PTPRN2: variants seen among roughly 807,000 people sequenced by gnomAD.
The protein encoded by PTPRN2 is protein tyrosine phosphatase receptor type N2.
A neutral mutation model predicts 118.8 loss-of-function variants in PTPRN2; 74 were observed. That is an observed-to-expected ratio of 0.62 (90% confidence interval 0.52 to 0.76). PTPRN2 has a LOEUF of 0.76. PTPRN2 is among the 30% of genes least tolerant of loss of function. The pLI, the probability that PTPRN2 is intolerant of heterozygous loss-of-function variation, is 0.00. For synonymous variants in PTPRN2, 641 were observed against 608.0 expected (o/e 1.05, Z -0.80); for missense variants, 1,481 against 1,394.4 (o/e 1.06, Z -0.99).
At chr7:158,558,029 G>C (rs1006913422) in intron 1 of PTPRN2, among the ~76,000 whole-genome samples, 1 of 152,204 alleles carries the variant, frequency 6.6e-6, no homozygotes, top group Non-Finnish European at 1.5e-5. Context: ...CTGTTGCCCA[G>C]GCTGGAGTGC....
At position 157,679,820 on chromosome 7, in the gene PTPRN2, G is replaced by A. The variant is rs79211396; in HGVS notation, c.2001+2905C>T. On this transcript the variant is annotated intron_variant, in intron 13 of 22. Coordinates refer to ENST00000389418, the MANE Select transcript of PTPRN2 (RefSeq NM_002847.5). ...AACATGAGGGCCCCCCAGGTCACGCGGGAAGTGCCTTGCCAGGACACTAAC... is the reference window on the plus strand; with the variant it reads ...AACATGAGGGCCCCCCAGGTCACGCAGGAAGTGCCTTGCCAGGACACTAAC... Among the ~76,000 whole-genome samples, 929 of 152,220 alleles carry A rather than the reference G, an allele frequency of 6.1e-3. 43 individuals carry two copies. The South Asian group carries it at 0.11, about 19-fold the overall frequency.
At chr7:158,408,748 G>A (rs143301366) in intron 2 of PTPRN2, among the ~76,000 whole-genome samples, 14 of 152,258 alleles carry the variant, frequency 9.2e-5, no homozygotes, top group Admixed American at 8.5e-4. Context: ...TAAGCCAGTG[G>A]GGTAGGAAGG....
intron 5 of PTPRN2, among the ~76,000 whole-genome samples, chr7:158,187,848 G>A (rs1181017732): frequency 6.6e-6 from 1 of 152,186 alleles, no homozygotes; most frequent in East Asian, 1.9e-4. Context: ...TAGAGACCAG[G>A]ACTGTGAGGC....
At chr7:157,581,518 T>C (rs926201221) in intron 17 of PTPRN2, among the ~76,000 whole-genome samples, 3 of 152,218 alleles carry the variant, frequency 2.0e-5, no homozygotes, top group Non-Finnish European at 4.4e-5. Context: ...TCTGTGAACC[T>C]GAGCCATCTC....
chr7:157,662,491 C>T (rs868354929), intron 13 of PTPRN2, among the ~76,000 whole-genome samples: 2 of 152,146 alleles, frequency 1.3e-5, no homozygotes, highest in Non-Finnish European at 2.9e-5. Flanking sequence ...AGCAACAGCA[C>T]GTGTTGGGCG....
intron 1 of PTPRN2, among the ~76,000 whole-genome samples, chr7:158,550,908 C>T (rs1826612740): frequency 6.6e-6 from 1 of 152,194 alleles, no homozygotes; most frequent in Non-Finnish European, 1.5e-5. Flanking sequence ...TTTCCTTCAC[C>T]CCTCCACGGA....
intron 11 of PTPRN2, among the ~76,000 whole-genome samples, chr7:158,026,371 G>C (rs1456194694): frequency 6.6e-6 from 1 of 152,192 alleles, no homozygotes; most frequent in Non-Finnish European, 1.5e-5. Flanking sequence ...ATAACGCAAA[G>C]CAAACAACAT....
At chr7:157,684,627 G>A (rs1483215945) in intron 12 of PTPRN2, among the ~76,000 whole-genome samples, 1 of 119,082 alleles carries the variant, frequency 8.4e-6, no homozygotes, top group Non-Finnish European at 1.8e-5. Context: ...GGCCCACACA[G>A]CCTCTTCCAG....
intron 1 of PTPRN2, among the ~76,000 whole-genome samples, chr7:158,578,754 CT>C (rs1007986775): frequency 3.3e-4 from 48 of 146,416 alleles, no homozygotes; most frequent in Non-Finnish European, 3.2e-4. Flanking sequence ...TACTTCTTCT[CT>C]TTTTTTTTTT....
At position 158,147,801 on chromosome 7, in the gene PTPRN2, T is replaced by TC. The variant is rs1563512206; in HGVS notation, c.911-9287_911-9286insG. Among the ~76,000 whole-genome samples the TC allele has an allele frequency of 3.1e-4, 29 of 94,746 alleles. 3 individuals are homozygous for TC. Among genetic ancestry groups the TC allele is most frequent in the African/African-American group, 3.7e-4 (8 of 21,828 alleles). 62.2% of individuals were successfully genotyped at this position (94,746 alleles called of 152,430 possible). A position where few individuals can be genotyped will look rare whatever the true frequency, so the allele number is the denominator to read the frequency against. On this transcript the variant is annotated intron_variant, in intron 6 of 22. Coordinates refer to ENST00000389418, the MANE Select transcript of PTPRN2 (RefSeq NM_002847.5). The stretch of plus-strand genomic sequence containing the variant: ...GTTATTCCCCCTCACTGACACCCCA[T>TC]TTCACGCCACACGTCTTTCCCCCTC...
rs780030851 is a variant in PTPRN2 at position 158,438,363 on chromosome 7, C to CA, written c.163+51371dup. On this transcript the variant is annotated intron_variant, in intron 2 of 22. Transcript: ENST00000389418. This position sits in a 1 kb window ranked among gnomAD's most constrained non-coding sequence, Gnocchi z 4.7. ...TGGGCAACAGAGTGGGACTCCATCTCAAAAAAAAAAAAGAAAAAGTTTTAT... is the reference window on the plus strand; with the variant it reads ...TGGGCAACAGAGTGGGACTCCATCTCAAAAAAAAAAAAAGAAAAAGTTTTAT... 5.7e-4 allele frequency among the ~76,000 whole-genome samples: 72 copies of CA among 127,066 alleles called. No homozygotes were observed. Among genetic ancestry groups the CA allele is most frequent in the Admixed American group, 6.4e-4 (8 of 12,560 alleles). 83.4% of individuals were successfully genotyped at this position (127,066 alleles called of 152,430 possible).
chr7:158,226,618 G>A (rs1828797799), intron 3 of PTPRN2, among the ~76,000 whole-genome samples: 1 of 151,888 alleles, frequency 6.6e-6, no homozygotes, highest in Admixed American at 6.6e-5. Flanking sequence ...CAAGGGCATA[G>A]CAAGGACAGA....
chr7:158,320,954 A>C (rs1802962279), intron 2 of PTPRN2, among the ~76,000 whole-genome samples: 1 of 152,178 alleles, frequency 6.6e-6, no homozygotes, highest in South Asian at 2.1e-4. Flanking sequence ...ATTGATTTTT[A>C]TGTGGCCAGA....
chr7:157,778,318 C>G (rs1273980994), intron 12 of PTPRN2, among the ~76,000 whole-genome samples: 1 of 152,174 alleles, frequency 6.6e-6, no homozygotes, highest in African/African-American at 2.4e-5. Context: ...CATGTGAATA[C>G]AGGCATCAAA....
At chr7:158,212,405 G>A (rs1056712598) in intron 3 of PTPRN2, among the ~76,000 whole-genome samples, 5 of 152,232 alleles carry the variant, frequency 3.3e-5, no homozygotes, top group South Asian at 2.1e-4. Flanking sequence ...GTAACACAAT[G>A]AAAGGATAAA....
At chr7:157,705,967 C>G (rs1798310948) in intron 12 of PTPRN2, among the ~76,000 whole-genome samples, 1 of 152,122 alleles carries the variant, frequency 6.6e-6, no homozygotes, top group South Asian at 2.1e-4. Flanking sequence ...CCAGTGCCTT[C>G]CAGATCAATG....
Position 157,918,644 on chromosome 7 carries a change from T to A in PTPRN2, c.1724-19907A>T, listed in dbSNP as rs372957805. On this transcript the variant is annotated intron_variant, in intron 11 of 22. Transcript: ENST00000389418. Reference sequence around the variant, plus strand: ...CATACGAATGGAAGGAGAGAAGGCGTCATGGCGTCGACACCAAGAAAATGT... The same window carrying A: ...CATACGAATGGAAGGAGAGAAGGCGACATGGCGTCGACACCAAGAAAATGT... 5.3e-5 allele frequency among the ~76,000 whole-genome samples: 8 copies of A among 152,112 alleles called. No individual in the cohort carries two copies. In the East Asian group the frequency reaches 5.8e-4, roughly 11 times the overall value.
intron 3 of PTPRN2, among the ~76,000 whole-genome samples, chr7:158,278,639 C>T (rs1001011003): frequency 4.6e-5 from 7 of 152,238 alleles, no homozygotes; most frequent in South Asian, 2.1e-4. Context: ...TCGCTGACTT[C>T]AAGAATGAAG....
chr7:158,538,028 C>A (rs77715906), intron 1 of PTPRN2, among the ~76,000 whole-genome samples: 2,735 of 152,286 alleles, frequency 0.018, 83 homozygotes, highest in African/African-American at 0.061. Context: ...TTACTCATTT[C>A]TTCTAGATTT....
Sources: allele counts gnomAD v4.1 joint callset (sites outside exome capture counted in the v4.1 genomes callset), GRCh38; gene constraint gnomAD v4.1.1; non-coding constraint Gnocchi (gnomAD v3.1); transcripts MANE v1.5; gene names NCBI Gene and HGNC (gene_info 2026-07-23, HGNC 2026-07-21).